The following TOLLIP variants were observed in gnomAD, a reference collection of about 807,000 sequenced individuals.
TOLLIP encodes toll-interacting protein.
Under a neutral mutation model 33.5 loss-of-function variants are expected in TOLLIP, and 16 were observed. The observed-to-expected ratio is 0.48, with a 90% CI of 0.32 to 0.72. The LOEUF (loss-of-function observed/expected upper bound fraction) is 0.72. Ranked by LOEUF, TOLLIP falls within the 30% of genes least tolerant of loss-of-function variation. The pLI is 0.03. For synonymous variants in TOLLIP, 176 were observed against 163.7 expected (o/e 1.07, Z -0.57); for missense variants, 325 against 396.6 (o/e 0.82, Z 1.53).
chr11:1,297,990 G>A (rs968148719), intron 1 of TOLLIP, among the ~76,000 whole-genome samples: 1 of 152,218 alleles, frequency 6.6e-6, no homozygotes, highest in Non-Finnish European at 1.5e-5. Flanking sequence ...CTCCCCGGGG[G>A]ACACCTGGCC....
Position 1,277,918 on chromosome 11 carries a change from G to A in TOLLIP, c.611-665C>T, listed in dbSNP as rs951828473. Reference sequence around the variant, plus strand: ...AAAACTCAAACAAGTGGGGCAGCAGGTGCGGTGTACAGTGGACCCTCAGTG... The same window carrying A: ...AAAACTCAAACAAGTGGGGCAGCAGATGCGGTGTACAGTGGACCCTCAGTG... On this transcript the variant is annotated intron_variant, in intron 5 of 5. Transcript: ENST00000317204. This position sits in a 1 kb window ranked among gnomAD's most constrained non-coding sequence, Gnocchi z 4.2. 2.0e-5 allele frequency among the ~76,000 whole-genome samples: 3 copies of A among 152,178 alleles called. No individual in the cohort carries two copies. Among genetic ancestry groups the A allele is most frequent in the African/African-American group, 7.2e-5 (3 of 41,428 alleles).
intron 5 of TOLLIP, among the ~76,000 whole-genome samples, chr11:1,279,605 G>A (rs1194063132): frequency 5.9e-5 from 9 of 152,168 alleles, no homozygotes; most frequent in African/African-American, 2.2e-4. Flanking sequence ...GCCATCTGCC[G>A]CGCTCAGCCC....
rs1863371653 is a variant in TOLLIP, at chr11:1,278,143, G to A, written c.611-890C>T. ...AGACTCGCCTCCCAGCCTGGTGGCC[G>A]CTCCCTAAAACCACGAGCAGCCCTG... On this transcript the variant is annotated intron_variant, in intron 5 of 5. Coordinates refer to ENST00000317204, the MANE Select transcript of TOLLIP (RefSeq NM_019009.4). This position sits in a 1 kb window ranked among gnomAD's most constrained non-coding sequence, Gnocchi z 4.7. Among the ~76,000 whole-genome samples, 1 of 152,156 alleles carries A rather than the reference G, an allele frequency of 6.6e-6. No homozygotes were observed. Among genetic ancestry groups the A allele is most frequent in the African/African-American group, 2.4e-5 (1 of 41,444 alleles).
intron 1 of TOLLIP, chr11:1,298,094 G>C (rs1292615731): frequency 6.6e-6 from 1 of 152,284 alleles, no homozygotes; most frequent in African/African-American, 2.4e-5. Context: ...ACCAGGAACG[G>C]GTTATCTTGC....
chr11:1,303,740 T>C lies in TOLLIP; in HGVS notation c.33+5726A>G, dbSNP rs1864349470. 6.6e-6 allele frequency among the ~76,000 whole-genome samples: 1 copy of C among 152,270 alleles called. No homozygotes were observed. Among genetic ancestry groups the C allele is most frequent in the South Asian group, 2.1e-4 (1 of 4,826 alleles). ...CAAGGGACAGTGTTAGAGGCCCAGA[T>C]GAACAGAGGTTAGGGCCGGGTGCAG... On this transcript the variant is annotated intron_variant, in intron 1 of 5. Coordinates refer to ENST00000317204, the MANE Select transcript of TOLLIP (RefSeq NM_019009.4). The surrounding 1 kb of genome is among the most constrained non-coding windows in gnomAD (Gnocchi z 4.2).
intron 1 of TOLLIP, among the ~76,000 whole-genome samples, chr11:1,301,004 C>T (rs529800311): frequency 1.3e-5 from 2 of 152,266 alleles, no homozygotes; most frequent in African/African-American, 4.8e-5. Flanking sequence ...CAAGGCTCAA[C>T]GAGTCTCAGC....
chr11:1,308,098 G>A (rs1213864330), intron 1 of TOLLIP, among the ~76,000 whole-genome samples: 1 of 152,170 alleles, frequency 6.6e-6, no homozygotes, highest in Admixed American at 6.5e-5. Flanking sequence ...AAACTGTACC[G>A]CTCACGACAG....
At chr11:1,302,565 C>G in intron 1 of TOLLIP, 1 of 985,964 alleles carries the variant, frequency 1.0e-6, no homozygotes, top group Non-Finnish European at 1.2e-6. Flanking sequence ...GCACCAGCAT[C>G]CAAAAGCTGG....
chr11:1,309,551 AC>A lies in TOLLIP; in HGVS notation c.-54del. ...CGACCCGACAGTGACGCGCCGGGCG[AC>A]CTCCTGCGCCCCCGCCGGAGCCTGC... is the stretch of plus-strand genomic sequence containing the variant. On this transcript the variant is annotated 5_prime_UTR_variant, in exon 1 of 6. Coordinates refer to ENST00000317204, the MANE Select transcript of TOLLIP (RefSeq NM_019009.4). The A allele has an allele frequency of 8.5e-7, 1 of 1,173,900 alleles. No individual in the cohort carries two copies. The highest frequency in any genetic ancestry group is 1.1e-6 in the Non-Finnish European group (1 of 923,864). 72.7% of individuals were successfully genotyped at this position (1,173,900 alleles called of 1,614,324 possible). A position where few individuals can be genotyped will look rare whatever the true frequency, so the allele number is the denominator to read the frequency against.
At chr11:1,280,217 C>T (rs758675362) in intron 5 of TOLLIP, among the ~76,000 whole-genome samples, 17 of 152,254 alleles carry the variant, frequency 1.1e-4, no homozygotes, top group Non-Finnish European at 2.2e-4. Flanking sequence ...TGGAATTCCA[C>T]GTGCGAGGGG....
chr11:1,278,422 C>T lies in TOLLIP; in HGVS notation c.611-1169G>A, dbSNP rs1299008640. Among the ~76,000 whole-genome samples, 1 of 152,226 alleles carries T rather than the reference C, an allele frequency of 6.6e-6. No individual in the cohort carries two copies. The highest frequency in any genetic ancestry group is 1.5e-5 in the Non-Finnish European group (1 of 68,036). On this transcript the variant is annotated intron_variant, in intron 5 of 5. Transcript: ENST00000317204. This position sits in a 1 kb window ranked among gnomAD's most constrained non-coding sequence, Gnocchi z 4.7. ...TTCTACACTTGGAGGATCCTAAAGG[C>T]AGCAGAAGCCACTTCAATCCTGGCC...
rs1489904389 is a variant in TOLLIP, at chr11:1,276,628, T to C, written c.*411A>G. On this transcript the variant is annotated 3_prime_UTR_variant, in exon 6 of 6. Coordinates refer to ENST00000317204, the MANE Select transcript of TOLLIP (RefSeq NM_019009.4). The stretch of plus-strand genomic sequence containing the variant: ...AAAACCCACAGTGTGAGGGATTGTG[T>C]GTGCCTTAAATCAACAGCTCTATTC... 11 of 1,279,088 alleles carry C rather than the reference T, an allele frequency of 8.6e-6. No individual in the cohort carries two copies. In the East Asian group the frequency reaches 2.2e-4, roughly 25 times the overall value. 79.2% of individuals were successfully genotyped at this position (1,279,088 alleles called of 1,614,324 possible).
At chr11:1,300,657 C>T (rs1420773703) in intron 1 of TOLLIP, among the ~76,000 whole-genome samples, 2 of 152,218 alleles carry the variant, frequency 1.3e-5, no homozygotes, top group African/African-American at 4.8e-5. Flanking sequence ...ACTGAGAGTG[C>T]CGCTGCTTCC....
Position 1,278,810 on chromosome 11 carries a change from C to T in TOLLIP, c.611-1557G>A, listed in dbSNP as rs1863394357. On this transcript the variant is annotated intron_variant, in intron 5 of 5. Transcript: ENST00000317204. This position sits in a 1 kb window ranked among gnomAD's most constrained non-coding sequence, Gnocchi z 4.7. ...GTGGCCACCCTCACCACCCTTTCTT[C>T]TTCCTCAAACAAGACAAAGGCTTGG... Among the ~76,000 whole-genome samples the T allele has an allele frequency of 6.6e-6, 1 of 152,234 alleles. No homozygotes were observed. The highest frequency in any genetic ancestry group is 1.5e-5 in the Non-Finnish European group (1 of 68,036).
rs1420570022 is a variant in TOLLIP, at chr11:1,295,575, C to T, written c.183+70G>A. 1.1e-5 allele frequency: 16 copies of T among 1,431,894 alleles called. No homozygotes were observed. The East Asian group carries it at 1.2e-4, about 11-fold the overall frequency. The allele number at this position is 1,431,894 out of a possible 1,614,324, so 88.7% of individuals were successfully genotyped here. ...CGCTTAGGAAATGCAGTATAAACGC[C>T]GAAATCCGAAATCCCACCCCCACCG... is the stretch of plus-strand genomic sequence containing the variant. On this transcript the variant is annotated intron_variant, in intron 2 of 5. Coordinates refer to ENST00000317204, the MANE Select transcript of TOLLIP (RefSeq NM_019009.4).
At chr11:1,308,848 G>T (rs11043006) in intron 1 of TOLLIP, among the ~76,000 whole-genome samples, 394 of 9,068 alleles carry the variant, frequency 0.043, 5 homozygotes, top group Middle Eastern at 0.077. Flanking sequence ...CCTCCACCTG[G>T]GGGGCCATCA....
intron 1 of TOLLIP, among the ~76,000 whole-genome samples, chr11:1,301,796 AC>A (rs1864285605): frequency 6.6e-6 from 1 of 152,200 alleles, no homozygotes; most frequent in South Asian, 2.1e-4. Context: ...CAGCAGGAAG[AC>A]CTGGGCTGGG....
At position 1,295,736 on chromosome 11, in the gene TOLLIP, C is replaced by T. The variant is rs137869091; in HGVS notation, c.92G>A (p.Arg31Gln). 8.7e-6 allele frequency: 14 copies of T among 1,609,878 alleles called. No individual in the cohort carries two copies. Among genetic ancestry groups the T allele is most frequent in the East Asian group, 2.2e-5 (1 of 44,694 alleles). ...FLRITPTQQQ[R>Q]QVQLDAQAAQ... is the part of the protein sequence containing the mutation. ...CGCCTGGGCGTCCAGCTGGACCTGC[C>T]GCTGCTGCTGTGTGGGCGTGATGCG... The change falls in exon 2 of 6, where the codon CGG (arginine) becomes CAG (glutamine). Residue 31 changes from arginine to glutamine, a missense_variant. Coordinates refer to ENST00000317204, the MANE Select transcript of TOLLIP (RefSeq NM_019009.4).
Position 1,276,619 on chromosome 11 carries a change from G to C in TOLLIP, c.*420C>G. ...GTTCTAAAAAAAACCCACAGTGTGA[G>C]GGATTGTGTGTGCCTTAAATCAACA... On this transcript the variant is annotated 3_prime_UTR_variant, in exon 6 of 6. Coordinates refer to ENST00000317204, the MANE Select transcript of TOLLIP (RefSeq NM_019009.4). The C allele has an allele frequency of 7.9e-7, 1 of 1,257,906 alleles. No individual in the cohort carries two copies. Among genetic ancestry groups the C allele is most frequent in the Non-Finnish European group, 1.0e-6 (1 of 959,262 alleles). The allele number at this position is 1,257,906 out of a possible 1,614,324, so 77.9% of individuals were successfully genotyped here. A position where few individuals can be genotyped will look rare whatever the true frequency, so the allele number is the denominator to read the frequency against.
Sources: allele counts gnomAD v4.1 joint callset (sites outside exome capture counted in the v4.1 genomes callset), GRCh38; gene constraint gnomAD v4.1.1; non-coding constraint Gnocchi (gnomAD v3.1); transcripts MANE v1.5; gene names NCBI Gene and HGNC (gene_info 2026-07-23, HGNC 2026-07-21).